Variants in ZCCHC7 observed in about 807,000 individuals in gnomAD.
The protein encoded by ZCCHC7 is zinc finger CCHC-type containing 7.
In ZCCHC7, 35 loss-of-function variants were observed where a neutral mutation model predicts 52.0. The ratio of observed to expected loss-of-function variants is 0.67; its 90% CI spans 0.51 to 0.89. The LOEUF is 0.89. Among genes scored for constraint, ZCCHC7 ranks in the 40% least tolerant of loss-of-function variants. The pLI is 0.00. For missense variants in ZCCHC7, 574 were observed against 649.1 expected (o/e 0.88, Z 1.26); for synonymous variants, 217 against 221.5 (o/e 0.98, Z 0.18).
intron 2 of ZCCHC7, among the ~76,000 whole-genome samples, chr9:37,218,405 T>C (rs747900130): frequency 6.6e-6 from 1 of 152,232 alleles, no homozygotes; most frequent in Non-Finnish European, 1.5e-5. Flanking sequence ...GGAGTGAAGT[T>C]CTAAGTTTTA....
At chr9:37,146,729 G>A (rs148355699) in intron 2 of ZCCHC7, among the ~76,000 whole-genome samples, 1 of 151,590 alleles carries the variant, frequency 6.6e-6, no homozygotes, top group African/African-American at 2.4e-5. Context: ...TCTTTAATGT[G>A]CTTGTAATAT....
At chr9:37,205,724 G>A (rs562248372) in intron 2 of ZCCHC7, among the ~76,000 whole-genome samples, 23 of 152,244 alleles carry the variant, frequency 1.5e-4, no homozygotes, top group Middle Eastern at 6.8e-3. Flanking sequence ...CACCATGTTG[G>A]TCAGGCTGAT....
chr9:37,213,526 G>A (rs1224165349), intron 2 of ZCCHC7, among the ~76,000 whole-genome samples: 1 of 152,106 alleles, frequency 6.6e-6, no homozygotes, highest in Non-Finnish European at 1.5e-5. Flanking sequence ...TTAACAAGGT[G>A]TCAAATTCAG....
chr9:37,262,216 AT>A (rs35551852), intron 2 of ZCCHC7, among the ~76,000 whole-genome samples: 30,815 of 146,950 alleles, frequency 0.21, 3,334 homozygotes, highest in Non-Finnish European at 0.25. Context: ...GAAAAAGGTG[AT>A]TTTTTTTTTT....
intron 2 of ZCCHC7, among the ~76,000 whole-genome samples, chr9:37,210,664 A>G (rs1041197504): frequency 1.2e-4 from 19 of 152,030 alleles, no homozygotes; most frequent in African/African-American, 4.1e-4. Flanking sequence ...GCCCCAACCT[A>G]CTTTTTAAAA....
At chr9:37,175,008 A>C (rs1821939602) in intron 2 of ZCCHC7, among the ~76,000 whole-genome samples, 1 of 151,952 alleles carries the variant, frequency 6.6e-6, no homozygotes, top group Non-Finnish European at 1.5e-5. Context: ...ATGGTGGTAC[A>C]TGCCCGTGAT....
intron 6 of ZCCHC7, among the ~76,000 whole-genome samples, chr9:37,339,308 G>T (rs747050239): frequency 6.6e-6 from 1 of 152,198 alleles, no homozygotes; most frequent in Non-Finnish European, 1.5e-5. Flanking sequence ...GGAAGACTTT[G>T]TCCAAAACCT....
At chr9:37,153,881 A>T (rs1820673377) in intron 2 of ZCCHC7, among the ~76,000 whole-genome samples, 3 of 152,032 alleles carry the variant, frequency 2.0e-5, no homozygotes. Flanking sequence ...ATTGAGTCAA[A>T]TCATAGGTAA....
At chr9:37,144,402 ACAT>A (rs978007954) in intron 2 of ZCCHC7, among the ~76,000 whole-genome samples, 3 of 151,952 alleles carry the variant, frequency 2.0e-5, no homozygotes, top group Admixed American at 6.6e-5. Flanking sequence ...TATCATCCTA[ACAT>A]CATATGTTAT....
At chr9:37,347,047 A>G (rs1282383105) in intron 6 of ZCCHC7, among the ~76,000 whole-genome samples, 1 of 152,170 alleles carries the variant, frequency 6.6e-6, no homozygotes, top group Non-Finnish European at 1.5e-5. Flanking sequence ...CTTTCAATAA[A>G]CAACATAAGA....
rs943321069 is a variant in ZCCHC7 at position 37,310,958 on chromosome 9, TTAAAAAA to T, written c.951+5245_951+5251del. Reference sequence around the variant, plus strand: ...GGTGACAGTGTAAGACTCTCTCTTTTTAAAAAAAAAAAAAAAAAAAAATCAATATATT... The same window carrying T: ...GGTGACAGTGTAAGACTCTCTCTTTTAAAAAAAAAAAAAAATCAATATATT... On this transcript the variant is annotated intron_variant, in intron 5 of 8. Coordinates refer to ENST00000336755, the MANE Select transcript of ZCCHC7 (RefSeq NM_032226.3). Among the ~76,000 whole-genome samples the T allele has an allele frequency of 1.4e-4, 18 of 132,824 alleles. No individual in the cohort carries two copies. The Middle Eastern group carries it at 0.011, about 81-fold the overall frequency. 87.1% of individuals were successfully genotyped at this position (132,824 alleles called of 152,430 possible).
chr9:37,299,787 A>G (rs900335477), intron 2 of ZCCHC7, among the ~76,000 whole-genome samples: 1 of 152,196 alleles, frequency 6.6e-6, no homozygotes, highest in Non-Finnish European at 1.5e-5. Context: ...CTTAGTTTGT[A>G]TACTTGTTGA....
At chr9:37,210,553 C>G (rs926614262) in intron 2 of ZCCHC7, among the ~76,000 whole-genome samples, 2 of 152,078 alleles carry the variant, frequency 1.3e-5, no homozygotes, top group Non-Finnish European at 2.9e-5. Context: ...TTCTTGTGTG[C>G]ATTACATCAT....
chr9:37,279,083 G>T (rs1236683382), intron 2 of ZCCHC7, among the ~76,000 whole-genome samples: 1 of 152,102 alleles, frequency 6.6e-6, no homozygotes, highest in Non-Finnish European at 1.5e-5. Flanking sequence ...AAATGCTGAA[G>T]TAAATTCTTT....
At chr9:37,128,876 G>A (rs1020969425) in intron 2 of ZCCHC7, among the ~76,000 whole-genome samples, 1 of 152,170 alleles carries the variant, frequency 6.6e-6, no homozygotes, top group African/African-American at 2.4e-5. Context: ...TCTTGGGTTA[G>A]GCGTAACACT....
intron 8 of ZCCHC7, 85 bp from the exon 9 acceptor site, chr9:37,356,750 T>G: frequency 1.6e-6 from 2 of 1,262,414 alleles, no homozygotes; most frequent in Non-Finnish European, 2.2e-6. Flanking sequence ...CTAGCTTCCC[T>G]GTCTGTTAAG....
At chr9:37,339,933 C>T (rs1830842274) in intron 6 of ZCCHC7, among the ~76,000 whole-genome samples, 1 of 152,004 alleles carries the variant, frequency 6.6e-6, no homozygotes, top group Admixed American at 6.6e-5. Context: ...AGGGAGATGC[C>T]CAGCAGGTTC....
intron 2 of ZCCHC7, among the ~76,000 whole-genome samples, chr9:37,182,412 G>A (rs1018338149): frequency 4.1e-5 from 6 of 147,342 alleles, no homozygotes; most frequent in East Asian, 2.0e-4. Context: ...ATGTAGTTTC[G>A]CTCTGTCACC....
At position 37,258,527 on chromosome 9, in the gene ZCCHC7, C is replaced by T. The variant is rs1050925871; in HGVS notation, c.611-43661C>T. On this transcript the variant is annotated intron_variant, in intron 2 of 8. Transcript: ENST00000336755. ...ATCCTAGCTCTTTGGGAGGCTGAGGCGGGCAGATTACTTCAGCCTAGGAGA... is the reference window on the plus strand; with the variant it reads ...ATCCTAGCTCTTTGGGAGGCTGAGGTGGGCAGATTACTTCAGCCTAGGAGA... Among the ~76,000 whole-genome samples, 9 of 151,902 alleles carry T rather than the reference C, an allele frequency of 5.9e-5. 1 individual carries two copies. The highest frequency in any genetic ancestry group is 2.4e-5 in the African/African-American group (1 of 41,418).
Sources: gnomAD v4.1 joint callset for allele counts (sites outside exome capture counted in the v4.1 genomes callset) on GRCh38, gnomAD v4.1.1 for gene constraint, MANE v1.5 for transcripts, NCBI Gene and HGNC (gene_info 2026-07-23, HGNC 2026-07-21) for gene names.